CFDP1: variants seen among roughly 807,000 people sequenced by gnomAD.
CFDP1 encodes the protein chromatin remodeling protein CFDP1, also known as heterochromatin-stabilizing protein CFDP1.
Under a neutral mutation model 40.1 loss-of-function variants are expected in CFDP1, and 31 were observed. The observed-to-expected ratio is 0.77, with a 90% CI of 0.58 to 1.04. CFDP1 has a LOEUF of 1.04. CFDP1 is among the 50% of genes least tolerant of loss of function. The probability of loss-of-function intolerance (pLI) is 0.00; values close to 1 mark genes in which losing one functional copy is unlikely to be tolerated. For synonymous variants in CFDP1, 167 were observed against 120.0 expected (o/e 1.39, Z -2.56); for missense variants, 423 against 343.4 (o/e 1.23, Z -1.83).
chr16:75,391,286 T>C (rs2078948169), intron 5 of CFDP1: 1 of 152,266 alleles, frequency 6.6e-6, no homozygotes, highest in Admixed American at 6.5e-5. Context: ...AGAGCTTCTT[T>C]GCCTTTATTT....
At chr16:75,431,566 AAG>A (rs1458462418) in intron 1 of CFDP1, among the ~76,000 whole-genome samples, 1 of 151,618 alleles carries the variant, frequency 6.6e-6, no homozygotes, top group East Asian at 1.9e-4. Context: ...TTGAACCGGG[AAG>A]GCAGAGGCCG....
chr16:75,298,852 A>G (rs539690711), intron 6 of CFDP1, among the ~76,000 whole-genome samples: 3 of 152,304 alleles, frequency 2.0e-5, no homozygotes, highest in South Asian at 4.1e-4. Context: ...TCATGAAAAT[A>G]TATTTTTTTG....
At chr16:75,333,169 G>A (rs1367548296) in intron 5 of CFDP1, among the ~76,000 whole-genome samples, 16 of 146,232 alleles carry the variant, frequency 1.1e-4, no homozygotes, top group African/African-American at 3.8e-4. Context: ...TGTCGCCCAG[G>A]CTGGAGTGCA....
intron 5 of CFDP1, among the ~76,000 whole-genome samples, chr16:75,367,979 C>A (rs2078727256): frequency 2.0e-5 from 3 of 152,018 alleles, no homozygotes; most frequent in Admixed American, 2.0e-4. Flanking sequence ...GTGGTGGACA[C>A]CTGTAATCCC....
chr16:75,338,018 C>G (rs1248630153), intron 5 of CFDP1, among the ~76,000 whole-genome samples: 1 of 152,186 alleles, frequency 6.6e-6, no homozygotes, highest in Admixed American at 6.5e-5. Context: ...AGCTCAGCCA[C>G]TTATTCACAC....
chr16:75,325,035 G>A (rs115256626), intron 5 of CFDP1: 1 of 152,194 alleles, frequency 6.6e-6, no homozygotes, highest in African/African-American at 2.4e-5. Context: ...AGCATGGAAA[G>A]TCCTTGGACT....
intron 5 of CFDP1, among the ~76,000 whole-genome samples, chr16:75,335,932 T>C (rs1055911939): frequency 1.3e-5 from 2 of 152,082 alleles, no homozygotes; most frequent in African/African-American, 2.4e-5. Flanking sequence ...ACCAAGGATA[T>C]AGTAGCGGTT....
In CFDP1 at chr16:75,431,731, G is replaced by A. The variant is rs1423060685; in HGVS notation, c.64+1558C>T. ...AGTTGGGGAGGCCCCGAAGGTGGAA[G>A]TGTTTGTGTGTGTGTTTGGGATGAG... On this transcript the variant is annotated intron_variant, in intron 1 of 6. Transcript: ENST00000283882. Among the ~76,000 whole-genome samples, 3 of 152,174 alleles carry A rather than the reference G, an allele frequency of 2.0e-5. No homozygotes were observed. In the South Asian group the frequency reaches 6.2e-4, roughly 32 times the overall value.
At chr16:75,387,276 G>C (rs1387896510) in intron 5 of CFDP1, among the ~76,000 whole-genome samples, 1 of 152,052 alleles carries the variant, frequency 6.6e-6, no homozygotes, top group Non-Finnish European at 1.5e-5. Flanking sequence ...CAGTACCTGG[G>C]ACTACAGGCG....
intron 4 of CFDP1, among the ~76,000 whole-genome samples, chr16:75,403,795 T>A (rs1379285309): frequency 6.6e-6 from 1 of 152,178 alleles, no homozygotes; most frequent in Non-Finnish European, 1.5e-5. Flanking sequence ...GCTTCCAGAA[T>A]AATTTCAGGC....
At chr16:75,354,941 C>G (rs758844211) in intron 5 of CFDP1, among the ~76,000 whole-genome samples, 1 of 152,176 alleles carries the variant, frequency 6.6e-6, no homozygotes, top group Non-Finnish European at 1.5e-5. Context: ...ATTTTGGGTT[C>G]AGTTCCAGAC....
intron 5 of CFDP1, among the ~76,000 whole-genome samples, chr16:75,363,779 T>G (rs957401777): frequency 1.3e-5 from 2 of 152,198 alleles, no homozygotes; most frequent in African/African-American, 2.4e-5. Context: ...AGCACTGACA[T>G]AGGAAATTGA....
chr16:75,341,671 A>AC (rs1491349653), intron 5 of CFDP1, among the ~76,000 whole-genome samples: 1 of 151,930 alleles, frequency 6.6e-6, no homozygotes, highest in Non-Finnish European at 1.5e-5. Flanking sequence ...AAAAAAAAAA[A>AC]AGGCCTGACC....
At chr16:75,302,265 A>T (rs988908645) in intron 6 of CFDP1, among the ~76,000 whole-genome samples, 1 of 151,724 alleles carries the variant, frequency 6.6e-6, no homozygotes, top group South Asian at 2.1e-4. Context: ...TTTAATTGAA[A>T]ATTTTTATTT....
intron 6 of CFDP1, among the ~76,000 whole-genome samples, chr16:75,303,871 G>C (rs574789286): frequency 1.3e-5 from 2 of 152,262 alleles, no homozygotes; most frequent in South Asian, 4.2e-4. Flanking sequence ...TGGTGGAGAA[G>C]AGCTTACTGG....
intron 1 of CFDP1, among the ~76,000 whole-genome samples, chr16:75,417,723 AATG>A (rs980010022): frequency 2.6e-5 from 4 of 152,158 alleles, no homozygotes; most frequent in African/African-American, 4.8e-5. Context: ...TGTATACCAA[AATG>A]ATAACATAAC....
intron 5 of CFDP1, among the ~76,000 whole-genome samples, chr16:75,347,979 G>A (rs143867014): frequency 6.6e-6 from 1 of 152,320 alleles, no homozygotes; most frequent in Admixed American, 6.5e-5. Flanking sequence ...CTGTCATGGG[G>A]CGGGAGAAGA....
chr16:75,349,684 A>ATATATATATATATATAT (rs1555557207), intron 5 of CFDP1, among the ~76,000 whole-genome samples: 105 of 8,260 alleles, frequency 0.013, 5 homozygotes, highest in South Asian at 0.021. Flanking sequence ...AAAAAAAAAA[A>ATATATATATATATATAT]AAAAAAATAT....
At chr16:75,374,207 C>T (rs534302510) in intron 5 of CFDP1, among the ~76,000 whole-genome samples, 11 of 151,908 alleles carry the variant, frequency 7.2e-5, no homozygotes, top group South Asian at 4.2e-4. Context: ...GAACCGAGAT[C>T]GCGCCACTGC....
Sources: allele counts gnomAD v4.1 joint callset (sites outside exome capture counted in the v4.1 genomes callset), GRCh38; gene constraint gnomAD v4.1.1; transcripts MANE v1.5; gene names NCBI Gene and HGNC (gene_info 2026-07-23, HGNC 2026-07-21).